SNAP91: variants seen among roughly 807,000 people sequenced by gnomAD.
SNAP91 encodes the protein synaptosome associated protein 91.
In SNAP91, 27 loss-of-function variants were observed where a neutral mutation model predicts 100.3. That is an observed-to-expected ratio of 0.27 (90% confidence interval 0.20 to 0.37). SNAP91 has a LOEUF of 0.37. SNAP91 is among the 10% of genes least tolerant of loss of function. The pLI, the probability that SNAP91 is intolerant of heterozygous loss-of-function variation, is 1.00. For missense variants in SNAP91, 986 were observed against 1,123.7 expected (o/e 0.88, Z 1.75); for synonymous variants, 404 against 398.6 (o/e 1.01, Z -0.16).
chr6:83,655,464 C>T (rs893796353), intron 7 of SNAP91, among the ~76,000 whole-genome samples: 2 of 152,156 alleles, frequency 1.3e-5, no homozygotes, highest in African/African-American at 4.8e-5. Context: ...CTGTAGAGTA[C>T]CTCTGGTACA....
chr6:83,649,881 G>T (rs1391820687), intron 7 of SNAP91, among the ~76,000 whole-genome samples: 1 of 151,986 alleles, frequency 6.6e-6, no homozygotes, highest in African/African-American at 2.4e-5. Context: ...GAGCCACCAC[G>T]CCCAGCCAAT....
intron 8 of SNAP91, among the ~76,000 whole-genome samples, chr6:83,632,836 G>T (rs145169735): frequency 6.9e-4 from 105 of 152,154 alleles, no homozygotes; most frequent in African/African-American, 2.5e-3. Context: ...CCTTTCTCTG[G>T]TGCCTCCCTA....
chr6:83,660,135 G>A (rs761223732), intron 5 of SNAP91, among the ~76,000 whole-genome samples: 1 of 152,190 alleles, frequency 6.6e-6, no homozygotes, highest in East Asian at 1.9e-4. Flanking sequence ...AACCTGAAGT[G>A]TCCATATGTG....
chr6:83,650,706 T>C (rs2098165555), intron 7 of SNAP91, among the ~76,000 whole-genome samples: 1 of 152,176 alleles, frequency 6.6e-6, no homozygotes, highest in Non-Finnish European at 1.5e-5. Context: ...GCATGAGCCA[T>C]TGCGCCTGGC....
intron 22 of SNAP91, among the ~76,000 whole-genome samples, chr6:83,588,645 T>C (rs1377735883): frequency 6.6e-6 from 1 of 152,234 alleles, no homozygotes; most frequent in Admixed American, 6.5e-5. Flanking sequence ...GATGTGTTTT[T>C]AGATTCTTAT....
intron 11 of SNAP91, among the ~76,000 whole-genome samples, chr6:83,612,985 C>T (rs1211916378): frequency 1.3e-5 from 2 of 151,612 alleles, no homozygotes; most frequent in Non-Finnish European, 2.9e-5. Context: ...ACATCTTCTA[C>T]CCCACAGCAA....
chr6:83,566,942 C>A (rs959241383), intron 26 of SNAP91, among the ~76,000 whole-genome samples: 2 of 152,164 alleles, frequency 1.3e-5, no homozygotes, highest in Non-Finnish European at 2.9e-5. Flanking sequence ...TCTTCTGTTT[C>A]CGAGAGGTAC....
In SNAP91 at chr6:83,560,902, C is replaced by G; in HGVS notation, c.2488G>C (p.Ala830Pro). 6.2e-7 allele frequency: 1 copy of G among 1,613,514 alleles called. No individual in the cohort carries two copies. Among genetic ancestry groups the G allele is most frequent in the South Asian group, 1.1e-5 (1 of 91,004 alleles). Residue 830 changes from alanine to proline, a missense_variant, in exon 27 of 30, where the codon GCC becomes CCC. Ala to Pro is a conservative substitution (Grantham distance 27, BLOSUM62 -1). Transcript: ENST00000369694. ...GCTCCAGGTTGTCCAACCGATGGGGCCCCGGCAACAGGAGGAACTGAACTG... is the reference window on the plus strand; with the variant it reads ...GCTCCAGGTTGTCCAACCGATGGGGGCCCGGCAACAGGAGGAACTGAACTG... ...PTSSVPPVAG[A>P]PSVGQPGAGF... is the part of the protein sequence containing the mutation.
chr6:83,588,321 A>G (rs1275196483), intron 22 of SNAP91, among the ~76,000 whole-genome samples: 3 of 152,244 alleles, frequency 2.0e-5, no homozygotes, highest in Admixed American at 6.5e-5. Context: ...TACACAATAT[A>G]TAACTTTGCC....
chr6:83,556,132 A>C lies in SNAP91; in HGVS notation c.*10+11T>G. On this transcript the variant is annotated intron_variant, in intron 29 of 29. Transcript: ENST00000369694. The stretch of plus-strand genomic sequence containing the variant: ...ATTACAAGCCTACAGGAAAAGCTCA[A>C]TATTAGATACCTTAAATTGTTTACA... 6.9e-7 allele frequency: 1 copy of C among 1,449,594 alleles called. No homozygotes were observed. The highest frequency in any genetic ancestry group is 9.5e-7 in the Non-Finnish European group (1 of 1,053,872). The allele number at this position is 1,449,594 out of a possible 1,614,324, so 89.8% of individuals were successfully genotyped here.
At chr6:83,676,788 A>C (rs2098911749) in intron 2 of SNAP91, among the ~76,000 whole-genome samples, 1 of 152,172 alleles carries the variant, frequency 6.6e-6, no homozygotes, top group Non-Finnish European at 1.5e-5. Flanking sequence ...GGGTGAGGAA[A>C]GGGGAGTCAG....
chr6:83,578,430 A>G (rs1360554871), intron 24 of SNAP91, among the ~76,000 whole-genome samples: 3 of 151,998 alleles, frequency 2.0e-5, no homozygotes, highest in Non-Finnish European at 4.4e-5. Context: ...GTGATATCTT[A>G]TTTGGTTTTG....
rs147794778 is a variant in SNAP91, at chr6:83,650,836, A to G, written c.658+5918T>C. The stretch of plus-strand genomic sequence containing the variant: ...CTGGAAGAGATTGTAAAGAATTGGT[A>G]TAATTTCTCACTTAAATGCTTGGTA... On this transcript the variant is annotated intron_variant, in intron 7 of 29. Transcript: ENST00000369694. Among the ~76,000 whole-genome samples, 769 of 152,340 alleles carry G rather than the reference A, an allele frequency of 5.0e-3. 6 individuals carry two copies. Among genetic ancestry groups the G allele is most frequent in the Non-Finnish European group, 8.2e-3 (556 of 68,020 alleles).
At chr6:83,579,161 A>G (rs919889663) in intron 24 of SNAP91, among the ~76,000 whole-genome samples, 1 of 152,164 alleles carries the variant, frequency 6.6e-6, no homozygotes, top group African/African-American at 2.4e-5. Flanking sequence ...GAAATTGGAA[A>G]CACGATTGCT....
chr6:83,690,573 A>G (rs568003838), intron 2 of SNAP91: 1 of 358,936 alleles, frequency 2.8e-6, no homozygotes, highest in African/African-American at 2.2e-5. Flanking sequence ...AAGAAAGAGA[A>G]AGCCTACTAA....
intron 20 of SNAP91, among the ~76,000 whole-genome samples, 195 bp from the exon 21 acceptor site, chr6:83,592,733 G>A (rs2093943850): frequency 6.6e-6 from 1 of 152,138 alleles, no homozygotes; most frequent in African/African-American, 2.4e-5. Context: ...GACTCCTTGA[G>A]GTCAGAGGTT....
chr6:83,673,261 A>G (rs2098814229), intron 2 of SNAP91, among the ~76,000 whole-genome samples: 1 of 152,086 alleles, frequency 6.6e-6, no homozygotes, highest in Admixed American at 6.6e-5. Flanking sequence ...GTATTAGGAG[A>G]GGAAGACTGT....
rs538239350 is a variant in SNAP91 at position 83,695,876 on chromosome 6, T to C, written c.130+11922A>G. Among the ~76,000 whole-genome samples, 65 of 144,632 alleles carry C rather than the reference T, an allele frequency of 4.5e-4. No homozygotes were observed. In the South Asian group the frequency reaches 0.014, roughly 31 times the overall value. The allele number at this position is 144,632 out of a possible 152,430, so 94.9% of individuals were successfully genotyped here. On this transcript the variant is annotated intron_variant, in intron 2 of 29. Transcript: ENST00000369694. ...CCAAGGAACACAGTCCTTTACAAAA[T>C]GCAATAAAATATAACTAAAAATTAA...
intron 2 of SNAP91, among the ~76,000 whole-genome samples, chr6:83,671,708 A>C (rs936433234): frequency 6.6e-6 from 1 of 152,126 alleles, no homozygotes; most frequent in Non-Finnish European, 1.5e-5. Flanking sequence ...CAGAAAGACA[A>C]CTTTAACTTT....
Sources: gnomAD v4.1 joint callset for allele counts (sites outside exome capture counted in the v4.1 genomes callset) on GRCh38, gnomAD v4.1.1 for gene constraint, MANE v1.5 for transcripts, NCBI Gene and HGNC (gene_info 2026-07-23, HGNC 2026-07-21) for gene names.